The following AKAP19 variants were observed in gnomAD, a reference collection of about 807,000 sequenced individuals.
The protein encoded by AKAP19 is A-kinase anchoring protein 19.
the AKAP19 span, among the ~76,000 whole-genome samples, chr2:189,893,063 T>C: frequency 6.6e-6 from 1 of 152,140 alleles, no homozygotes; most frequent in Non-Finnish European, 1.5e-5. Flanking sequence ...CAAGCCTCAG[T>C]AATGGCCGTC....
chr2:190,004,952 T>C, the AKAP19 span, among the ~76,000 whole-genome samples: 1 of 152,326 alleles, frequency 6.6e-6, no homozygotes, highest in Admixed American at 6.5e-5. Context: ...GTTCTTGGTC[T>C]CACTTAGTTC....
At chr2:190,174,364 G>A in the AKAP19 span, among the ~76,000 whole-genome samples, 141,452 of 152,254 alleles carry the variant, frequency 0.93, 66,602 homozygotes, top group East Asian at 1. Flanking sequence ...CATCAGAGCA[G>A]CGCAGATTAA....
the AKAP19 span, among the ~76,000 whole-genome samples, chr2:189,983,768 G>T: frequency 6.6e-6 from 1 of 152,120 alleles, no homozygotes; most frequent in Non-Finnish European, 1.5e-5. Flanking sequence ...GTATGTTTTT[G>T]GTTTTGGGGG....
the AKAP19 span, among the ~76,000 whole-genome samples, chr2:190,166,890 G>GA: frequency 1.2e-4 from 4 of 34,700 alleles, no homozygotes; most frequent in Non-Finnish European, 2.4e-4. Context: ...AGCAAAAAAA[G>GA]AAAAAAGAAA....
chr2:190,100,366 C>T, the AKAP19 span, among the ~76,000 whole-genome samples: 6 of 152,158 alleles, frequency 3.9e-5, no homozygotes, highest in Non-Finnish European at 5.9e-5. Flanking sequence ...GTTTTTGTTG[C>T]TGTTTTGGTT....
At chr2:190,180,376 C>T in the AKAP19 span, 1 of 789,408 alleles carries the variant, frequency 1.3e-6, no homozygotes. This position sits in a 1 kb window ranked among gnomAD's most constrained non-coding sequence, Gnocchi z 6.8. Context: ...GGGGAGAGGC[C>T]TTGGAGGGCA....
At chr2:189,992,771 T>TA in the AKAP19 span, among the ~76,000 whole-genome samples, 1 of 152,178 alleles carries the variant, frequency 6.6e-6, no homozygotes, top group Non-Finnish European at 1.5e-5. Flanking sequence ...TATTTTTTTT[T>TA]ACAGCTGTCA....
the AKAP19 span, among the ~76,000 whole-genome samples, chr2:189,926,585 C>CTTTTT: frequency 2.3e-4 from 17 of 72,406 alleles, no homozygotes; most frequent in Non-Finnish European, 8.1e-5. Context: ...CGCGCCCGGC[C>CTTTTT]TTTTTTTTTT....
At chr2:189,905,522 G>A in the AKAP19 span, among the ~76,000 whole-genome samples, 1 of 151,894 alleles carries the variant, frequency 6.6e-6, no homozygotes, top group Non-Finnish European at 1.5e-5. Flanking sequence ...TATAGTGAAA[G>A]GAAATTTTAT....
At chr2:189,941,903 T>C in the AKAP19 span, among the ~76,000 whole-genome samples, 3 of 152,210 alleles carry the variant, frequency 2.0e-5, no homozygotes, top group African/African-American at 4.8e-5. Flanking sequence ...TGCAACTATA[T>C]GCTGCCTATG....
At chr2:190,193,311 T>A in the AKAP19 span, among the ~76,000 whole-genome samples, 5 of 152,284 alleles carry the variant, frequency 3.3e-5, no homozygotes, top group Admixed American at 3.3e-4. Context: ...TCATCATGTT[T>A]TATCCATTTT....
At chr2:190,009,133 A>G in the AKAP19 span, among the ~76,000 whole-genome samples, 1 of 152,220 alleles carries the variant, frequency 6.6e-6, no homozygotes, top group African/African-American at 2.4e-5. Flanking sequence ...CAGGAAGCAC[A>G]GCAGGAATAG....
At chr2:190,132,687 A>G in the AKAP19 span, among the ~76,000 whole-genome samples, 1 of 152,194 alleles carries the variant, frequency 6.6e-6, no homozygotes, top group Non-Finnish European at 1.5e-5. Flanking sequence ...ACTACTAGGA[A>G]AAAACACAGG....
the AKAP19 span, among the ~76,000 whole-genome samples, chr2:190,193,696 T>A: frequency 6.6e-6 from 1 of 152,276 alleles, no homozygotes; most frequent in South Asian, 2.1e-4. Flanking sequence ...CCATTACACA[T>A]CTTAATATGT....
At chr2:190,001,056 A>G in the AKAP19 span, among the ~76,000 whole-genome samples, 1 of 152,158 alleles carries the variant, frequency 6.6e-6, no homozygotes, top group Non-Finnish European at 1.5e-5. Flanking sequence ...ATATTGACCT[A>G]TCATTAAATT....
At chr2:189,944,427 C>T in the AKAP19 span, among the ~76,000 whole-genome samples, 1 of 152,152 alleles carries the variant, frequency 6.6e-6, no homozygotes, top group African/African-American at 2.4e-5. Flanking sequence ...CAACACTATG[C>T]TTCCTATAAA....
chr2:189,918,303 G>T, the AKAP19 span, among the ~76,000 whole-genome samples: 1 of 151,628 alleles, frequency 6.6e-6, no homozygotes, highest in African/African-American at 2.4e-5. Flanking sequence ...CTCTTTAATT[G>T]TTCTTTCTGG....
At chr2:190,053,969 T>A in the AKAP19 span, among the ~76,000 whole-genome samples, 3 of 152,132 alleles carry the variant, frequency 2.0e-5, no homozygotes, top group South Asian at 2.1e-4. Flanking sequence ...ACTTAAAAAA[T>A]TTTTATATAT....
chr2:189,913,321 A>G, the AKAP19 span, among the ~76,000 whole-genome samples: 3 of 152,074 alleles, frequency 2.0e-5, no homozygotes, highest in Non-Finnish European at 4.4e-5. Context: ...TTTCTCATCA[A>G]TTCTTTAATG....
Sources: allele counts gnomAD v4.1 joint callset (sites outside exome capture counted in the v4.1 genomes callset), GRCh38; gene constraint gnomAD v4.1.1; non-coding constraint Gnocchi (gnomAD v3.1); transcripts MANE v1.5; gene names NCBI Gene and HGNC (gene_info 2026-07-23, HGNC 2026-07-21).